Variants in TMTC4 observed in about 807,000 individuals in gnomAD.
The protein encoded by TMTC4 is transmembrane O-mannosyltransferase targeting cadherins 4, also known as protein O-mannosyl-transferase TMTC4.
In TMTC4, 65 loss-of-function variants were observed where a neutral mutation model predicts 86.0. The observed-to-expected ratio is 0.76, with a 90% CI of 0.62 to 0.93. TMTC4 has a LOEUF of 0.93. TMTC4 is among the 40% of genes least tolerant of loss of function. TMTC4 has a pLI of 0.00. For missense variants in TMTC4, 866 were observed against 948.1 expected, an observed-to-expected ratio of 0.91 and a Z score of 1.14; for synonymous variants, 379 against 382.5, an observed-to-expected ratio of 0.99 and a Z score of 0.11.
At position 100,614,329 on chromosome 13, in the gene TMTC4, G is replaced by A. The variant is rs978173111; in HGVS notation, c.1938C>T (p.Leu646=). ...HSLAWNNMII[L]LDNTGNLAQA... is the part of the protein sequence containing the mutation. ...AGCTTTCTGTACCTGTATTGTCGAG[G>A]AGTATAATCATGTTGTTCCAGGCCA... Residue 646 remains leucine, a synonymous_variant, in exon 16 of 19, where the codon CTC becomes CTT. Transcript: ENST00000342624. The A allele has an allele frequency of 6.2e-6, 10 of 1,613,018 alleles. No homozygotes were observed. The African/African-American group carries it at 9.4e-5, about 15-fold the overall frequency.
intron 12 of TMTC4, among the ~76,000 whole-genome samples, chr13:100,631,636 A>C (rs1453621232): frequency 6.6e-6 from 1 of 152,200 alleles, no homozygotes; most frequent in African/African-American, 2.4e-5. Flanking sequence ...ACCTACACTG[A>C]CATTGCAATC....
At chr13:100,625,348 GCTCT>G in intron 15 of TMTC4, 183 bp downstream of exon 15, 1 of 760,910 alleles carries the variant, frequency 1.3e-6, no homozygotes, top group East Asian at 2.8e-5. Context: ...ACACTGTACT[GCTCT>G]CTAATGAGAG....
intron 8 of TMTC4, 91 bp downstream of exon 8, chr13:100,637,839 A>G (rs1053497764): frequency 1.8e-5 from 27 of 1,535,532 alleles, no homozygotes; most frequent in Admixed American, 1.7e-4. Context: ...GTAGAATTCA[A>G]AATCACAAGG....
chr13:100,608,302 G>A (rs1352345584), intron 17 of TMTC4, among the ~76,000 whole-genome samples: 1 of 152,178 alleles, frequency 6.6e-6, no homozygotes, highest in Admixed American at 6.5e-5. Flanking sequence ...TTGTTAGAGG[G>A]CCACTGCTGT....
chr13:100,614,438 T>C lies in TMTC4; in HGVS notation c.1837-8A>G, dbSNP rs755740296. The C allele has an allele frequency of 2.5e-6, 4 of 1,586,654 alleles. No individual in the cohort carries two copies. In the South Asian group the frequency reaches 3.3e-5, roughly 13 times the overall value. ...GCGATTGAGATCTGCATACTGAAAA[T>C]AAAACACACCAAAAAATCAGTATTC... On this transcript the variant is annotated splice_region_variant and splice_polypyrimidine_tract_variant and intron_variant, in intron 15 of 18. Coordinates refer to ENST00000342624, the MANE Select transcript of TMTC4 (RefSeq NM_032813.5).
At chr13:100,643,112 C>T (rs183446808) in intron 6 of TMTC4, among the ~76,000 whole-genome samples, 67 of 152,152 alleles carry the variant, frequency 4.4e-4, no homozygotes, top group African/African-American at 1.5e-3. Flanking sequence ...AATTTGGGGG[C>T]CAGAACTAAA....
intron 7 of TMTC4, among the ~76,000 whole-genome samples, chr13:100,640,282 C>T (rs1381341188): frequency 6.6e-6 from 1 of 152,022 alleles, no homozygotes; most frequent in East Asian, 1.9e-4. Context: ...CTAAACATCC[C>T]ACAAACCCAG....
intron 9 of TMTC4, 106 bp downstream of exon 9, chr13:100,637,432 G>T (rs765094241): frequency 3.8e-5 from 54 of 1,418,928 alleles, no homozygotes; most frequent in Non-Finnish European, 4.8e-5. Context: ...CGTGTATTGG[G>T]GATTTTGTTG....
At chr13:100,616,498 G>A (rs1278399041) in intron 15 of TMTC4, among the ~76,000 whole-genome samples, 1 of 152,198 alleles carries the variant, frequency 6.6e-6, no homozygotes, top group East Asian at 1.9e-4. Flanking sequence ...ACTGTGCCCG[G>A]CCGCATGTGT....
At chr13:100,662,042 G>A (rs780809043) in intron 5 of TMTC4, among the ~76,000 whole-genome samples, 20 of 152,038 alleles carry the variant, frequency 1.3e-4, no homozygotes, top group Admixed American at 3.3e-4. Context: ...AATGCCTAGT[G>A]AAATCCCAGC....
chr13:100,605,094 T>C lies in TMTC4; in HGVS notation c.2183A>G (p.Tyr728Cys), dbSNP rs138832736. The C allele has an allele frequency of 2.5e-6, 4 of 1,613,970 alleles. No individual in the cohort carries two copies. The highest frequency in any genetic ancestry group is 2.5e-6 in the Non-Finnish European group (3 of 1,179,972). Residue 728 changes from tyrosine to cysteine, a missense_variant, in exon 19 of 19, where the codon TAT becomes TGT. Coordinates refer to ENST00000342624, the MANE Select transcript of TMTC4 (RefSeq NM_032813.5). This position sits in a 1 kb window ranked among gnomAD's most constrained non-coding sequence, Gnocchi z 4.3. ...WGHLDLAKKH[Y>C]EISLQLDPTA... Reference sequence around the variant, plus strand: ...GGGGTCAAGCTGCAAGGAGATTTCATAGTGTTTCTTGGCCAAGTCTAGATG... The same window carrying C: ...GGGGTCAAGCTGCAAGGAGATTTCACAGTGTTTCTTGGCCAAGTCTAGATG...
intron 15 of TMTC4, among the ~76,000 whole-genome samples, chr13:100,620,401 A>G (rs1263528905): frequency 6.6e-6 from 1 of 152,112 alleles, no homozygotes; most frequent in Admixed American, 6.5e-5. Context: ...ACAGCTCTTG[A>G]GGCTGTGGTA....
At position 100,668,130 on chromosome 13, in the gene TMTC4, C is replaced by T. The variant is rs571692995; in HGVS notation, c.219+449G>A. Among the ~76,000 whole-genome samples, 27 of 152,268 alleles carry T rather than the reference C, an allele frequency of 1.8e-4. 1 individual carries two copies. In the East Asian group the frequency reaches 4.6e-3, roughly 26 times the overall value. The stretch of plus-strand genomic sequence containing the variant: ...CCGACAGTCTCGGAGAAGGACAAAG[C>T]GGCAGCCAGCTCCCTGCCTGCTGCT... On this transcript the variant is annotated intron_variant, in intron 3 of 18. Coordinates refer to ENST00000342624, the MANE Select transcript of TMTC4 (RefSeq NM_032813.5).
intron 15 of TMTC4, 145 bp from the exon 16 acceptor site, chr13:100,614,575 T>C (rs1878176590): frequency 4.9e-6 from 3 of 610,388 alleles, no homozygotes; most frequent in East Asian, 2.8e-5. Context: ...ATGGAGCTTC[T>C]AGTTTTTCAT....
chr13:100,674,166 C>G (rs1887511006), intron 1 of TMTC4: 9 of 975,976 alleles, frequency 9.2e-6, no homozygotes, highest in Non-Finnish European at 1.1e-5. Context: ...GGCTCGGTGG[C>G]CCCGGGCGCC....
At position 100,637,585 on chromosome 13, in the gene TMTC4, T is replaced by C; in HGVS notation, c.952A>G (p.Thr318Ala). The C allele has an allele frequency of 1.2e-6, 2 of 1,614,108 alleles. No individual in the cohort carries two copies. Among genetic ancestry groups the C allele is most frequent in the Non-Finnish European group, 8.5e-7 (1 of 1,180,028 alleles). The change falls in exon 9 of 19, where the codon ACC becomes GCC. Residue 318 changes from threonine to alanine, a missense_variant. Physicochemically the swap from Thr to Ala is moderately conservative, Grantham distance 58. Transcript: ENST00000342624. Reference sequence around the variant, plus strand: ...AAGGAGGCCGGGTTGTCCACCTCGGTGAAGGCCGGCGGGCCCGTGCCCATG... The same window carrying C: ...AAGGAGGCCGGGTTGTCCACCTCGGCGAAGGCCGGCGGGCCCGTGCCCATG... ...RIMGTGPPAF[T>A]EVDNPASFAD...
chr13:100,641,747 A>G (rs1156761993), intron 7 of TMTC4, among the ~76,000 whole-genome samples: 1 of 152,160 alleles, frequency 6.6e-6, no homozygotes, highest in African/African-American at 2.4e-5. Flanking sequence ...TTGGCCTCCC[A>G]AAGTGCTGGG....
intron 16 of TMTC4, among the ~76,000 whole-genome samples, chr13:100,613,618 G>T (rs1431329624): frequency 6.6e-6 from 1 of 152,070 alleles, no homozygotes; most frequent in Admixed American, 6.5e-5. Context: ...ACACCCTAGA[G>T]GATGGCCAAT....
chr13:100,618,472 ATCTCTC>A (rs1199273283), intron 15 of TMTC4, among the ~76,000 whole-genome samples: 3 of 119,618 alleles, frequency 2.5e-5, no homozygotes, highest in African/African-American at 9.2e-5. Context: ...TTTTTTTTTA[ATCTCTC>A]TCTCTCTCTT....
Sources: allele counts gnomAD v4.1 joint callset (sites outside exome capture counted in the v4.1 genomes callset), GRCh38; gene constraint gnomAD v4.1.1; non-coding constraint Gnocchi (gnomAD v3.1); transcripts MANE v1.5; gene names NCBI Gene and HGNC (gene_info 2026-07-23, HGNC 2026-07-21).